The following MGAT4C variants were observed in gnomAD, a reference collection of about 807,000 sequenced individuals.
The protein encoded by MGAT4C is MGAT4 family member C, also known as alpha-1,3-mannosyl-glycoprotein 4-beta-N-acetylglucosaminyltransferase C.
MGAT4C carries 19 observed loss-of-function variants against 40.1 expected under a neutral mutation model. The observed-to-expected ratio is 0.47, with a 90% CI of 0.33 to 0.70. The LOEUF (loss-of-function observed/expected upper bound fraction) is 0.70, where lower values mean the gene tolerates loss of function less well. Ranked by LOEUF, MGAT4C falls within the 30% of genes least tolerant of loss-of-function variation. The pLI is 0.02. For synonymous variants in MGAT4C, 181 were observed against 187.1 expected (o/e 0.97, Z 0.27); for missense variants, 491 against 563.2 (o/e 0.87, Z 1.30).
At chr12:86,281,028 T>C (rs1265068370) in intron 4 of MGAT4C, among the ~76,000 whole-genome samples, 1 of 152,094 alleles carries the variant, frequency 6.6e-6, no homozygotes, top group Admixed American at 6.6e-5. Context: ...TTGCTATTTA[T>C]ATTTTGCTTG....
At chr12:86,702,686 C>T (rs1239301043) in intron 2 of MGAT4C, among the ~76,000 whole-genome samples, 1 of 152,106 alleles carries the variant, frequency 6.6e-6, no homozygotes, top group Admixed American at 6.6e-5. Context: ...AAAGAGATTC[C>T]TTTCAAAATA....
chr12:86,240,342 C>A (rs1951734024), intron 1 of MGAT4C, among the ~76,000 whole-genome samples: 1 of 151,926 alleles, frequency 6.6e-6, no homozygotes, highest in African/African-American at 2.4e-5. Context: ...TCCAATCTAT[C>A]TTTCTATATA....
intron 1 of MGAT4C, among the ~76,000 whole-genome samples, chr12:86,806,639 T>C (rs1198508071): frequency 6.6e-6 from 1 of 152,002 alleles, no homozygotes; most frequent in Admixed American, 6.6e-5. Flanking sequence ...TCCACTTCAG[T>C]CCCTGTCCCT....
chr12:86,656,018 T>A (rs1405628026), intron 2 of MGAT4C, among the ~76,000 whole-genome samples: 2 of 152,086 alleles, frequency 1.3e-5, no homozygotes, highest in African/African-American at 2.4e-5. Context: ...GATAAGTTTA[T>A]CAAATTAATT....
intron 3 of MGAT4C, among the ~76,000 whole-genome samples, chr12:86,390,062 G>A (rs905634343): frequency 5.3e-5 from 8 of 152,156 alleles, no homozygotes; most frequent in Non-Finnish European, 1.5e-5. Context: ...TTTCCAGAGT[G>A]AAACTCATGA....
At chr12:86,321,459 C>G (rs919840038) in intron 4 of MGAT4C, among the ~76,000 whole-genome samples, 1 of 152,058 alleles carries the variant, frequency 6.6e-6, no homozygotes, top group Non-Finnish European at 1.5e-5. Flanking sequence ...TTCTACTGAG[C>G]TTCAGGGAGT....
intron 2 of MGAT4C, among the ~76,000 whole-genome samples, chr12:86,448,530 C>A (rs527680497): frequency 6.6e-6 from 1 of 152,134 alleles, no homozygotes; most frequent in African/African-American, 2.4e-5. Context: ...CTACCTGAAT[C>A]CCTCACTGGA....
intron 1 of MGAT4C, among the ~76,000 whole-genome samples, chr12:86,816,061 A>C (rs1263284011): frequency 1.3e-5 from 2 of 151,834 alleles, no homozygotes; most frequent in African/African-American, 2.4e-5. Context: ...TTTATTCTTT[A>C]TTTTCCTGAC....
At chr12:86,444,567 T>A (rs146614317) in intron 2 of MGAT4C, among the ~76,000 whole-genome samples, 1 of 152,270 alleles carries the variant, frequency 6.6e-6, no homozygotes, top group African/African-American at 2.4e-5. Context: ...CACGGCAAAA[T>A]AGAACAATTG....
At chr12:86,679,494 C>T (rs1949939961) in intron 2 of MGAT4C, among the ~76,000 whole-genome samples, 1 of 151,882 alleles carries the variant, frequency 6.6e-6, no homozygotes, top group African/African-American at 2.4e-5. Context: ...TGAAATATGA[C>T]AAGATTGTTC....
chr12:86,716,343 T>C (rs1044930362), intron 2 of MGAT4C, among the ~76,000 whole-genome samples: 8 of 152,176 alleles, frequency 5.3e-5, no homozygotes, highest in African/African-American at 1.7e-4. Context: ...TATTAACTAC[T>C]GCCTCTGCTT....
chr12:86,741,980 G>A (rs367669108), intron 1 of MGAT4C, among the ~76,000 whole-genome samples: 2 of 151,322 alleles, frequency 1.3e-5, no homozygotes, highest in Admixed American at 6.6e-5. Context: ...ATTTGATTAT[G>A]TACCTTTAAC....
chr12:86,340,975 G>A (rs1379657019), intron 3 of MGAT4C, among the ~76,000 whole-genome samples: 2 of 150,780 alleles, frequency 1.3e-5, no homozygotes, highest in African/African-American at 4.8e-5. Context: ...ATATTTAAAA[G>A]GGCTTATAAA....
chr12:86,045,589 T>C (rs771013819), intron 2 of MGAT4C, among the ~76,000 whole-genome samples: 1 of 152,236 alleles, frequency 6.6e-6, no homozygotes, highest in Non-Finnish European at 1.5e-5. Flanking sequence ...CCCAAATTTT[T>C]ATCACTAAAT....
chr12:86,452,014 G>A (rs188697678), intron 2 of MGAT4C, among the ~76,000 whole-genome samples: 42 of 151,594 alleles, frequency 2.8e-4, no homozygotes, highest in African/African-American at 1.0e-3. Flanking sequence ...TCAATCATTC[G>A]ACCCCTATTT....
At position 85,974,252 on chromosome 12, in the gene MGAT4C, G is replaced by A. The variant is rs753242623; in HGVS notation, c.*5037C>T. The A allele has an allele frequency of 1.3e-5, 2 of 150,762 alleles. No individual in the cohort carries two copies. The highest frequency in any genetic ancestry group is 4.8e-5 in the African/African-American group (2 of 41,268). 9.3% of individuals were successfully genotyped at this position (150,762 alleles called of 1,614,324 possible). Reference sequence around the variant, plus strand: ...TGCTGTGATTTTCAAAGGATGTCATGTATAAAAGATTTGAGTGAGAACATG... The same window carrying A: ...TGCTGTGATTTTCAAAGGATGTCATATATAAAAGATTTGAGTGAGAACATG... On this transcript the variant is annotated 3_prime_UTR_variant, in exon 5 of 5. Coordinates refer to ENST00000611864, the MANE Select transcript of MGAT4C (RefSeq NM_001351288.2).
intron 2 of MGAT4C, among the ~76,000 whole-genome samples, chr12:86,489,696 C>T (rs73191486): frequency 0.1 from 15,351 of 152,142 alleles, 1,008 homozygotes; most frequent in Middle Eastern, 0.25. Context: ...CTCCCTCCTC[C>T]GAGGGGTTGA....
At chr12:86,660,602 T>A (rs901474761) in intron 2 of MGAT4C, among the ~76,000 whole-genome samples, 1 of 152,124 alleles carries the variant, frequency 6.6e-6, no homozygotes, top group African/African-American at 2.4e-5. Context: ...AGAGAATTGC[T>A]AGGTAACATA....
intron 2 of MGAT4C, among the ~76,000 whole-genome samples, chr12:86,026,592 C>A (rs1355974924): frequency 6.6e-6 from 1 of 151,790 alleles, no homozygotes; most frequent in Non-Finnish European, 1.5e-5. Context: ...TATCTTTGTG[C>A]CTAATTTTTT....
Sources: allele counts gnomAD v4.1 joint callset (sites outside exome capture counted in the v4.1 genomes callset), GRCh38; gene constraint gnomAD v4.1.1; transcripts MANE v1.5; gene names NCBI Gene and HGNC (gene_info 2026-07-23, HGNC 2026-07-21).